AKAP19: variants seen among roughly 807,000 people sequenced by gnomAD.
AKAP19 encodes the protein small A-kinase anchoring protein.
At chr2:190,000,704 C>T in the AKAP19 span, among the ~76,000 whole-genome samples, 96 of 152,100 alleles carry the variant, frequency 6.3e-4, no homozygotes, top group Non-Finnish European at 1.1e-3. Flanking sequence ...TGTCATTCCA[C>T]GGCCTTCTGA....
At chr2:190,081,806 TA>T in the AKAP19 span, among the ~76,000 whole-genome samples, 1 of 152,060 alleles carries the variant, frequency 6.6e-6, no homozygotes, top group Non-Finnish European at 1.5e-5. Flanking sequence ...TATTCTATGG[TA>T]TAGTAGGTAA....
the AKAP19 span, among the ~76,000 whole-genome samples, chr2:190,136,755 C>T: frequency 6.6e-6 from 1 of 152,110 alleles, no homozygotes. Context: ...ATATTCTTTT[C>T]TGGCAAATAG....
the AKAP19 span, among the ~76,000 whole-genome samples, chr2:190,120,200 T>C: frequency 1.3e-5 from 2 of 152,156 alleles, no homozygotes; most frequent in African/African-American, 4.8e-5. Flanking sequence ...GCAAACCCTA[T>C]TGTGAACTGC....
the AKAP19 span, among the ~76,000 whole-genome samples, chr2:190,069,032 A>G: frequency 6.6e-6 from 1 of 152,044 alleles, no homozygotes; most frequent in African/African-American, 2.4e-5. Context: ...GCTTAAGGTG[A>G]CTAGATCCCT....
the AKAP19 span, among the ~76,000 whole-genome samples, chr2:190,029,310 C>A: frequency 6.6e-6 from 1 of 152,010 alleles, no homozygotes; most frequent in Admixed American, 6.6e-5. Context: ...CCTCGGCCTC[C>A]GAGAGTGCAG....
the AKAP19 span, chr2:189,917,443 C>T: frequency 1.6e-5 from 12 of 750,266 alleles, no homozygotes; most frequent in Non-Finnish European, 2.5e-5. Flanking sequence ...TTTTTTCTAG[C>T]TCGATGTTTT....
the AKAP19 span, among the ~76,000 whole-genome samples, chr2:189,999,047 C>T: frequency 6.6e-6 from 1 of 152,068 alleles, no homozygotes; most frequent in Non-Finnish European, 1.5e-5. Flanking sequence ...GCTGAGATTA[C>T]AGACGTAAGC....
chr2:189,888,962 C>T, the AKAP19 span, among the ~76,000 whole-genome samples: 1 of 151,960 alleles, frequency 6.6e-6, no homozygotes, highest in Non-Finnish European at 1.5e-5. Flanking sequence ...GGAGAACTTC[C>T]AATACTATGT....
At chr2:189,960,651 A>T in the AKAP19 span, among the ~76,000 whole-genome samples, 1 of 152,108 alleles carries the variant, frequency 6.6e-6, no homozygotes, top group Non-Finnish European at 1.5e-5. Context: ...GCCCTAATTA[A>T]GCTTCTTTAA....
At chr2:189,891,743 G>A in the AKAP19 span, among the ~76,000 whole-genome samples, 1 of 152,074 alleles carries the variant, frequency 6.6e-6, no homozygotes, top group African/African-American at 2.4e-5. Context: ...TATCTTTGTG[G>A]TATTCTCTGT....
At chr2:190,029,698 CAT>C in the AKAP19 span, among the ~76,000 whole-genome samples, 3 of 152,090 alleles carry the variant, frequency 2.0e-5, no homozygotes, top group African/African-American at 4.8e-5. Flanking sequence ...TAGCCAGGGA[CAT>C]GTGTAAAAAA....
the AKAP19 span, among the ~76,000 whole-genome samples, chr2:190,130,146 T>C: frequency 1.3e-5 from 2 of 152,310 alleles, no homozygotes; most frequent in African/African-American, 4.8e-5. Context: ...TTTTATAAAC[T>C]ATTTTATAAC....
the AKAP19 span, among the ~76,000 whole-genome samples, chr2:189,994,232 G>A: frequency 6.6e-6 from 1 of 151,784 alleles, no homozygotes; most frequent in African/African-American, 2.4e-5. Flanking sequence ...GGCTGGTCTT[G>A]AATTCCTGAA....
chr2:189,977,977 A>G, the AKAP19 span, among the ~76,000 whole-genome samples: 3 of 152,262 alleles, frequency 2.0e-5, no homozygotes, highest in Non-Finnish European at 4.4e-5. Flanking sequence ...ACACTTTATT[A>G]TAAAATAGGT....
At chr2:190,197,457 C>T in the AKAP19 span, among the ~76,000 whole-genome samples, 1 of 152,174 alleles carries the variant, frequency 6.6e-6, no homozygotes, top group African/African-American at 2.4e-5. The surrounding 1 kb of genome is among the most constrained non-coding windows in gnomAD (Gnocchi z 4.0). Flanking sequence ...CATGCACATC[C>T]CAGTACCCTT....
chr2:189,921,878 A>G, the AKAP19 span, among the ~76,000 whole-genome samples: 2 of 152,224 alleles, frequency 1.3e-5, no homozygotes, highest in Non-Finnish European at 2.9e-5. Flanking sequence ...CTGGATATGC[A>G]AAGTACTGAC....
the AKAP19 span, among the ~76,000 whole-genome samples, chr2:190,158,283 A>G: frequency 6.6e-6 from 1 of 152,176 alleles, no homozygotes; most frequent in South Asian, 2.1e-4. Context: ...TATACAACTC[A>G]GTGTCTGAGA....
chr2:189,994,593 GTTA>G, the AKAP19 span, among the ~76,000 whole-genome samples: 68 of 150,736 alleles, frequency 4.5e-4, no homozygotes, highest in Admixed American at 1.3e-4. Flanking sequence ...TATTATTATT[GTTA>G]TTATTATTAT....
At chr2:190,013,411 CTT>C in the AKAP19 span, among the ~76,000 whole-genome samples, 1 of 151,928 alleles carries the variant, frequency 6.6e-6, no homozygotes, top group Non-Finnish European at 1.5e-5. Context: ...ATGGTAATCT[CTT>C]ATAATCCTGT....
Sources: gnomAD v4.1 joint callset for allele counts (sites outside exome capture counted in the v4.1 genomes callset) on GRCh38, gnomAD v4.1.1 for gene constraint, Gnocchi (gnomAD v3.1) non-coding constraint, MANE v1.5 for transcripts, NCBI Gene and HGNC (gene_info 2026-07-23, HGNC 2026-07-21) for gene names.